Variants in LCORL observed in about 807,000 individuals in gnomAD.
LCORL encodes ligand dependent nuclear receptor corepressor like.
In LCORL, 41 loss-of-function variants were observed where a neutral mutation model predicts 141.8. That is an observed-to-expected ratio of 0.29 (90% CI 0.23 to 0.38). The LOEUF (loss-of-function observed/expected upper bound fraction) is 0.38. Ranked by LOEUF, LCORL falls within the 10% of genes least tolerant of loss-of-function variation. LCORL has a pLI of 1.00. For missense variants in LCORL, 1,759 were observed against 2,035.0 expected (o/e 0.86, Z 2.61); for synonymous variants, 618 against 694.1 (o/e 0.89, Z 1.72).
chr4:17,950,858 T>C (rs920543755), intron 4 of LCORL, among the ~76,000 whole-genome samples: 2 of 152,104 alleles, frequency 1.3e-5, no homozygotes, highest in African/African-American at 4.8e-5. Flanking sequence ...AGTTTGATCA[T>C]GACAGGAGAA....
At chr4:17,893,155 C>T (rs1004424939) in intron 5 of LCORL, 1 of 154,628 alleles carries the variant, frequency 6.5e-6, no homozygotes, top group Non-Finnish European at 1.4e-5. Flanking sequence ...CCTGATGCTC[C>T]CCCACCTCAG....
At chr4:17,925,709 A>C (rs2109394827) in intron 4 of LCORL, among the ~76,000 whole-genome samples, 1 of 152,042 alleles carries the variant, frequency 6.6e-6, no homozygotes, top group East Asian at 1.9e-4. Flanking sequence ...GTCTCTACTA[A>C]AAATACAAAA....
At chr4:17,960,928 G>A (rs1278488140) in intron 4 of LCORL, among the ~76,000 whole-genome samples, 2 of 152,036 alleles carry the variant, frequency 1.3e-5, no homozygotes, top group Non-Finnish European at 2.9e-5. Context: ...CTAATAAGAG[G>A]ATTTCCATAT....
chr4:17,876,267 T>G (rs1278603009), exon 7 of LCORL: 2 of 1,230,928 alleles, frequency 1.6e-6, no homozygotes, highest in East Asian at 3.2e-5. Context: ...AGGCATGCAG[T>G]GACTATTGAT....
intron 4 of LCORL, among the ~76,000 whole-genome samples, chr4:17,957,845 G>A (rs1266927239): frequency 2.6e-5 from 4 of 151,850 alleles, no homozygotes; most frequent in African/African-American, 7.2e-5. Flanking sequence ...GAAATTCAAA[G>A]TATGACCACG....
intron 5 of LCORL, among the ~76,000 whole-genome samples, chr4:17,892,393 G>C (rs1011311460): frequency 1.3e-5 from 2 of 151,762 alleles, no homozygotes; most frequent in East Asian, 3.9e-4. Flanking sequence ...ATTTTTAGTA[G>C]AGACGGGGTT....
chr4:17,939,955 T>C (rs1737573253), intron 4 of LCORL, among the ~76,000 whole-genome samples: 1 of 150,396 alleles, frequency 6.6e-6, no homozygotes, highest in African/African-American at 2.4e-5. Context: ...TCATATACTA[T>C]ATACGCATAT....
chr4:18,021,016 C>G lies in LCORL; in HGVS notation c.154+582G>C, dbSNP rs927201476. Among the ~76,000 whole-genome samples, 2 of 152,092 alleles carry G rather than the reference C, an allele frequency of 1.3e-5. No homozygotes were observed. The highest frequency in any genetic ancestry group is 2.9e-5 in the Non-Finnish European group (2 of 67,986). Reference sequence around the variant, plus strand: ...GGCGCCCCCCGCCCCTCGGACGACGCCCCCGCCGCCCCTCGCCCCCAGCCG... The same window carrying G: ...GGCGCCCCCCGCCCCTCGGACGACGGCCCCGCCGCCCCTCGCCCCCAGCCG... On this transcript the variant is annotated intron_variant, in intron 1 of 7. Coordinates refer to ENST00000635767, the Ensembl canonical transcript of LCORL. The surrounding 1 kb of genome is among the most constrained non-coding windows in gnomAD (Gnocchi z 5.5).
chr4:17,947,539 T>A (rs973407430), intron 4 of LCORL, among the ~76,000 whole-genome samples: 4 of 151,864 alleles, frequency 2.6e-5, no homozygotes, highest in African/African-American at 9.7e-5. Flanking sequence ...TCAAAATCAC[T>A]AAGAGAGTAA....
intron 6 of LCORL, chr4:17,882,210 C>T: frequency 2.0e-6 from 2 of 984,492 alleles, no homozygotes; most frequent in Non-Finnish European, 2.4e-6. Flanking sequence ...AAAACACAAG[C>T]ATTTGACAAG....
intron 4 of LCORL, among the ~76,000 whole-genome samples, chr4:17,959,106 C>T (rs746315988): frequency 2.6e-5 from 4 of 152,134 alleles, no homozygotes; most frequent in African/African-American, 7.2e-5. Context: ...AGTCTTGAGA[C>T]GGTTTAATGC....
chr4:17,875,320 A>G (rs17526499), exon 7 of LCORL: 41,339 of 1,231,378 alleles, frequency 0.034, 812 homozygotes, highest in Non-Finnish European at 0.038. Context: ...GGTATCACAG[A>G]TTTGTTCTTG....
At chr4:17,846,181 C>T (rs1722910275) in intron 7 of LCORL, among the ~76,000 whole-genome samples, 2 of 152,014 alleles carry the variant, frequency 1.3e-5, no homozygotes, top group South Asian at 4.1e-4. Context: ...AATTATTTAA[C>T]CTTGTGAGCC....
intron 1 of LCORL, among the ~76,000 whole-genome samples, chr4:17,976,428 G>GT (rs1002167652): frequency 1.3e-5 from 2 of 151,920 alleles, no homozygotes; most frequent in Non-Finnish European, 2.9e-5. Flanking sequence ...ACCTCTTCTA[G>GT]TTTTTTTAGG....
intron 1 of LCORL, among the ~76,000 whole-genome samples, chr4:17,990,201 C>T (rs998917650): frequency 6.6e-6 from 1 of 151,332 alleles, no homozygotes; most frequent in Non-Finnish European, 1.5e-5. Context: ...TGGGTTCACG[C>T]CATTCTCCTG....
chr4:17,864,552 A>T (rs544417904), intron 7 of LCORL, among the ~76,000 whole-genome samples: 2 of 152,270 alleles, frequency 1.3e-5, no homozygotes, highest in African/African-American at 4.8e-5. Context: ...ATAATAAAAC[A>T]CACTGTATTG....
In LCORL at chr4:17,928,621, G is replaced by A. The variant is rs545580556; in HGVS notation, c.431-19276C>T. ...AAGGGTATCTGTAAAAAATCCACTG[G>A]AAACATGGTACTTAATGGTGAAAAG... On this transcript the variant is annotated intron_variant, in intron 4 of 7. Coordinates refer to ENST00000635767, the Ensembl canonical transcript of LCORL. 4.7e-3 allele frequency among the ~76,000 whole-genome samples: 719 copies of A among 152,178 alleles called. 5 individuals are homozygous for A. The highest frequency in any genetic ancestry group is 5.2e-3 in the Non-Finnish European group (355 of 67,996).
chr4:17,935,079 T>C (rs1486958835), intron 4 of LCORL, among the ~76,000 whole-genome samples: 3 of 152,164 alleles, frequency 2.0e-5, no homozygotes, highest in African/African-American at 4.8e-5. Flanking sequence ...TGCCTGGTTA[T>C]TACATACTTT....
chr4:17,973,335 CA>C (rs1430249580), intron 1 of LCORL, among the ~76,000 whole-genome samples: 1 of 151,726 alleles, frequency 6.6e-6, no homozygotes, highest in Non-Finnish European at 1.5e-5. Context: ...TTCTGTTAAA[CA>C]TATGATGTAT....
Sources: gnomAD v4.1 joint callset for allele counts (sites outside exome capture counted in the v4.1 genomes callset) on GRCh38, gnomAD v4.1.1 for gene constraint, Gnocchi (gnomAD v3.1) non-coding constraint, MANE v1.5 for transcripts, NCBI Gene and HGNC (gene_info 2026-07-23, HGNC 2026-07-21) for gene names.